EXT1: variants seen among roughly 807,000 people sequenced by gnomAD.
EXT1 encodes exostosin glycosyltransferase 1.
In EXT1, 20 loss-of-function variants were observed where a neutral mutation model predicts 82.5. The observed-to-expected ratio is 0.24, with a 90% CI of 0.17 to 0.35. EXT1 has a LOEUF of 0.35. Ranked by LOEUF, EXT1 falls within the 10% of genes least tolerant of loss-of-function variation. The pLI is 1.00. For missense variants in EXT1, 757 were observed against 936.5 expected (o/e 0.81, Z 2.50); for synonymous variants, 348 against 350.8 (o/e 0.99, Z 0.09).
chr8:117,798,390 CAG>C lies in EXT1; in HGVS notation c.*1320_*1321del, dbSNP rs1302167625. ...TATCAGAAGTCTCCATTTTTCATAACAGAGTTAGGGATATGTTTTTTTTTTCA... is the reference window on the plus strand; with the variant it reads ...TATCAGAAGTCTCCATTTTTCATAACAGTTAGGGATATGTTTTTTTTTTCA... On this transcript the variant is annotated 3_prime_UTR_variant, in exon 11 of 11. Coordinates refer to ENST00000378204, the MANE Select transcript of EXT1 (RefSeq NM_000127.3). 2 of 151,936 alleles carry C rather than the reference CAG, an allele frequency of 1.3e-5. No homozygotes were observed. The highest frequency in any genetic ancestry group is 2.9e-5 in the Non-Finnish European group (2 of 68,002). 9.4% of individuals were successfully genotyped at this position (151,936 alleles called of 1,614,324 possible). A position where few individuals can be genotyped will look rare whatever the true frequency, so the allele number is the denominator to read the frequency against.
chr8:117,854,242 T>A (rs746135738), intron 1 of EXT1, among the ~76,000 whole-genome samples: 1 of 152,234 alleles, frequency 6.6e-6, no homozygotes, highest in Non-Finnish European at 1.5e-5. Flanking sequence ...CTGGGCTTCA[T>A]CCAGCAAAGA....
intron 1 of EXT1, among the ~76,000 whole-genome samples, chr8:118,066,391 A>ACT (rs1816988656): frequency 6.7e-6 from 1 of 149,744 alleles, no homozygotes; most frequent in African/African-American, 2.5e-5. Flanking sequence ...ACAGAGTCTC[A>ACT]CTCTGTTGCC....
At position 117,910,053 on chromosome 8, in the gene EXT1, C is replaced by G. The variant is rs186043040; in HGVS notation, c.963-72852G>C. On this transcript the variant is annotated intron_variant, in intron 1 of 10. Coordinates refer to ENST00000378204, the MANE Select transcript of EXT1 (RefSeq NM_000127.3). ...AAAGCGTTGGGATTACAGGCATAAG[C>G]CACCGCACCAGCATTAATTCTTTTA... 4.2e-3 allele frequency among the ~76,000 whole-genome samples: 637 copies of G among 152,292 alleles called. 4 individuals are homozygous for G. The highest frequency in any genetic ancestry group is 0.012 in the African/African-American group (482 of 41,556).
At chr8:117,851,788 T>C (rs1812459550) in intron 1 of EXT1, among the ~76,000 whole-genome samples, 3 of 152,174 alleles carry the variant, frequency 2.0e-5, no homozygotes, top group Non-Finnish European at 4.4e-5. Context: ...GCAGTATAAT[T>C]GGTGCCATTC....
At chr8:118,101,989 G>A (rs1260542076) in intron 1 of EXT1, among the ~76,000 whole-genome samples, 1 of 151,874 alleles carries the variant, frequency 6.6e-6, no homozygotes. Context: ...TAAGAAGGCT[G>A]GGTGCTGTAG....
chr8:118,042,543 C>A (rs554339805), intron 1 of EXT1, among the ~76,000 whole-genome samples: 1 of 152,148 alleles, frequency 6.6e-6, no homozygotes, highest in Non-Finnish European at 1.5e-5. Flanking sequence ...GATCCACCCA[C>A]CTCAGCCTCC....
At chr8:117,932,726 C>T (rs11562740) in intron 1 of EXT1, among the ~76,000 whole-genome samples, 6,918 of 152,168 alleles carry the variant, frequency 0.045, 517 homozygotes, top group African/African-American at 0.16. Flanking sequence ...CATGGCTTTG[C>T]TTAGTGCTAG....
chr8:117,967,634 G>C (rs1267716084), intron 1 of EXT1, among the ~76,000 whole-genome samples: 1 of 152,214 alleles, frequency 6.6e-6, no homozygotes, highest in Non-Finnish European at 1.5e-5. Context: ...AGTCAAATGA[G>C]ATGAGCACTT....
At chr8:117,874,645 T>C (rs1045698071) in intron 1 of EXT1, among the ~76,000 whole-genome samples, 2 of 151,094 alleles carry the variant, frequency 1.3e-5, no homozygotes, top group African/African-American at 2.4e-5. Flanking sequence ...TGAGCTATCA[T>C]ATAATCCCCT....
intron 1 of EXT1, among the ~76,000 whole-genome samples, chr8:117,934,171 T>C (rs900588412): frequency 1.3e-5 from 2 of 151,872 alleles, no homozygotes; most frequent in Non-Finnish European, 2.9e-5. Context: ...ACCCCACAGA[T>C]ACAGTAAGAG....
intron 1 of EXT1, among the ~76,000 whole-genome samples, chr8:117,983,336 T>G (rs370443326): frequency 3.9e-5 from 6 of 151,904 alleles, no homozygotes; most frequent in Non-Finnish European, 8.8e-5. Context: ...ATATTAAAGT[T>G]AGATGGGTGT....
Position 117,819,748 on chromosome 8 carries a change from G to A in EXT1, c.1464C>T (p.Thr488=), listed in dbSNP as rs766314797. ...SKFTAVIHAV[T]PLVSQSQPVL... The stretch of plus-strand genomic sequence containing the variant: ...CTGGCTGGGACTGAGAGACCAGGGG[G>A]GTCACCGCATGGATGACTGCAGTGA... Residue 488 remains threonine, a synonymous_variant, in exon 6 of 11, where the codon ACC becomes ACT. Coordinates refer to ENST00000378204, the MANE Select transcript of EXT1 (RefSeq NM_000127.3). 2 of 1,613,406 alleles carry A rather than the reference G, an allele frequency of 1.2e-6. No individual in the cohort carries two copies. Among genetic ancestry groups the A allele is most frequent in the Admixed American group, 3.3e-5 (2 of 60,016 alleles).
intron 1 of EXT1, among the ~76,000 whole-genome samples, chr8:117,907,490 T>C (rs746083340): frequency 2.0e-5 from 3 of 152,212 alleles, no homozygotes; most frequent in Non-Finnish European, 2.9e-5. Flanking sequence ...GGGAACCCTA[T>C]TGCCTTAAAA....
chr8:117,836,331 A>G (rs1351179254), intron 2 of EXT1, among the ~76,000 whole-genome samples: 1 of 152,190 alleles, frequency 6.6e-6, no homozygotes, highest in Non-Finnish European at 1.5e-5. Context: ...CAGAGAAGGA[A>G]GCTCTTCTGT....
intron 1 of EXT1, among the ~76,000 whole-genome samples, chr8:118,011,261 A>T (rs1478139582): frequency 6.6e-6 from 1 of 152,088 alleles, no homozygotes; most frequent in Non-Finnish European, 1.5e-5. Context: ...TTCCCGGTCC[A>T]GAATGGAAGC....
chr8:117,998,204 G>A (rs988694074), intron 1 of EXT1, among the ~76,000 whole-genome samples: 1 of 151,784 alleles, frequency 6.6e-6, no homozygotes, highest in Admixed American at 6.6e-5. Context: ...AATAGAGACG[G>A]GATTTCACCA....
intron 1 of EXT1, among the ~76,000 whole-genome samples, chr8:118,029,947 C>T (rs1312643443): frequency 6.6e-6 from 1 of 152,210 alleles, no homozygotes. Context: ...ATTATTTGAA[C>T]TTCACTAAAC....
chr8:118,015,741 A>G (rs749829943), intron 1 of EXT1, among the ~76,000 whole-genome samples: 21 of 152,224 alleles, frequency 1.4e-4, no homozygotes, highest in Non-Finnish European at 2.6e-4. Context: ...CCAGCACCTC[A>G]GCATATGACT....
At chr8:117,819,417 T>C (rs569842197) in intron 6 of EXT1, among the ~76,000 whole-genome samples, 1 of 152,304 alleles carries the variant, frequency 6.6e-6, no homozygotes, top group African/African-American at 2.4e-5. Flanking sequence ...TTGGTGTATG[T>C]ATATATACTT....
Sources: gnomAD v4.1 joint callset for allele counts (sites outside exome capture counted in the v4.1 genomes callset) on GRCh38, gnomAD v4.1.1 for gene constraint, MANE v1.5 for transcripts, NCBI Gene and HGNC (gene_info 2026-07-23, HGNC 2026-07-21) for gene names.